The following G6PC3 variants were observed in gnomAD, a reference collection of about 807,000 sequenced individuals.
G6PC3 encodes the protein glucose-6-phosphatase 3.
A neutral mutation model predicts 38.6 loss-of-function variants in G6PC3; 30 were observed. That is an observed-to-expected ratio of 0.78 (90% CI 0.58 to 1.05). The LOEUF (loss-of-function observed/expected upper bound fraction) is 1.05. Among genes scored for constraint, G6PC3 ranks in the 50% least tolerant of loss-of-function variants. The probability of loss-of-function intolerance (pLI) is 0.00; values close to 1 mark genes in which losing one functional copy is unlikely to be tolerated. For missense variants in G6PC3, 377 were observed against 443.1 expected (o/e 0.85, Z 1.34); for synonymous variants, 192 against 178.1 (o/e 1.08, Z -0.62).
intron 5 of G6PC3, 92 bp from the exon 6 acceptor site, chr17:44,075,586 CAG>C: frequency 1.2e-6 from 2 of 1,601,434 alleles, no homozygotes; most frequent in East Asian, 4.5e-5. Flanking sequence ...AGGCACAAAA[CAG>C]AACATGGGAG....
chr17:44,075,708 G>C lies in G6PC3; in HGVS notation c.706G>C (p.Glu236Gln). ...WSISLAFKWC[E>Q]RPEWIHVDSR... ...CATCAGCCTAGCCTTCAAGTGGTGT[G>C]AGCGGCCTGAGTGGATACACGTGGA... is the stretch of plus-strand genomic sequence containing the variant. The change falls in exon 6 of 6, where the codon GAG (glutamate) becomes CAG (glutamine). Residue 236 changes from glutamate (E) to glutamine (Q), a missense_variant. Physicochemically the swap from Glu to Gln is conservative, Grantham distance 29 (BLOSUM62 2). Transcript: ENST00000269097. 1 of 1,612,360 alleles carries C rather than the reference G, an allele frequency of 6.2e-7. No homozygotes were observed. Among genetic ancestry groups the C allele is most frequent in the Non-Finnish European group, 8.5e-7 (1 of 1,180,018 alleles).
chr17:44,071,360 C>A, intron 1 of G6PC3, 177 bp downstream of exon 1: 1 of 1,035,150 alleles, frequency 9.7e-7, no homozygotes, highest in Non-Finnish European at 1.4e-6. Context: ...CCTCAGAGTC[C>A]AACCATCCTA....
At chr17:44,071,672 G>A (rs1597905930) in intron 1 of G6PC3, 3 of 1,283,260 alleles carry the variant, frequency 2.3e-6, no homozygotes, top group South Asian at 2.5e-5. Context: ...TAAGGACAGA[G>A]ACACCTTGCA....
intron 1 of G6PC3, 76 bp from the exon 2 acceptor site, chr17:44,074,084 C>G (rs2144145229): frequency 1.0e-6 from 1 of 986,654 alleles, no homozygotes; most frequent in East Asian, 2.4e-5. Flanking sequence ...CCAGAGTACT[C>G]TGTGTCCTGC....
At position 44,070,830 on chromosome 17, in the gene G6PC3, T is replaced by C; in HGVS notation, c.-136T>C. The stretch of plus-strand genomic sequence containing the variant: ...GGGGACTGCTGGGGGCGGGGCTTGG[T>C]GGTGACCGCTGGCGGGGCGGGGCCT... On this transcript the variant is annotated 5_prime_UTR_variant, in exon 1 of 6. Coordinates refer to ENST00000269097, the MANE Select transcript of G6PC3 (RefSeq NM_138387.4). 1 of 930,718 alleles carries C rather than the reference T, an allele frequency of 1.1e-6. No individual in the cohort carries two copies. Among genetic ancestry groups the C allele is most frequent in the South Asian group, 1.4e-5 (1 of 70,120 alleles). The allele number at this position is 930,718 out of a possible 1,614,324, so 57.7% of individuals were successfully genotyped here.
rs753279179 is a variant in G6PC3 at position 44,076,165 on chromosome 17, C to T, written c.*122C>T. On this transcript the variant is annotated 3_prime_UTR_variant, in exon 6 of 6. Transcript: ENST00000269097. ...GTAGGCCCTCCCCTCCCTAAATCTG[C>T]TTCCGCACCACCTGGTCTTAGCCCC... The T allele has an allele frequency of 1.1e-5, 14 of 1,290,204 alleles. No homozygotes were observed. The highest frequency in any genetic ancestry group is 1.6e-5 in the Non-Finnish European group (14 of 900,008). 79.9% of individuals were successfully genotyped at this position (1,290,204 alleles called of 1,614,324 possible).
intron 3 of G6PC3, 93 bp from the exon 4 acceptor site, chr17:44,074,876 G>A (rs2050052245): frequency 6.8e-7 from 1 of 1,463,442 alleles, no homozygotes; most frequent in African/African-American, 1.4e-5. Context: ...GGGGACCCTA[G>A]GTTGTGTGGT....
At chr17:44,073,961 G>C (rs984091721) in intron 1 of G6PC3, 199 bp from the exon 2 acceptor site, 9 of 639,496 alleles carry the variant, frequency 1.4e-5, no homozygotes, top group Non-Finnish European at 2.2e-5. Context: ...AAAAGAAATA[G>C]TGTGCTTTCT....
intron 1 of G6PC3, 77 bp from the exon 2 acceptor site, chr17:44,074,081 ACT>A (rs1260679905): frequency 2.1e-6 from 2 of 940,930 alleles, no homozygotes; most frequent in African/African-American, 1.6e-5. Context: ...CCTCCAGAGT[ACT>A]CTGTGTCCTG....
rs761215881 is a variant in G6PC3, at chr17:44,071,118, C to G, written c.153C>G (p.Arg51=). The part of the protein sequence containing the change: ...FYFPAAYYAS[R]RVGIAVLWIS... Reference sequence around the variant, plus strand: ...TCCCCGCGGCCTACTACGCCTCCCGCCGTGTGGGCATCGCGGTGCTCTGGA... The same window carrying G: ...TCCCCGCGGCCTACTACGCCTCCCGGCGTGTGGGCATCGCGGTGCTCTGGA... The change falls in exon 1 of 6, where the codon CGC becomes CGG. Residue 51 remains arginine, a synonymous_variant. Coordinates refer to ENST00000269097, the MANE Select transcript of G6PC3 (RefSeq NM_138387.4). The G allele has an allele frequency of 6.2e-7, 1 of 1,614,082 alleles. No individual in the cohort carries two copies. The highest frequency in any genetic ancestry group is 8.5e-7 in the Non-Finnish European group (1 of 1,180,002).
chr17:44,074,039 T>C lies in G6PC3; in HGVS notation c.219-121T>C. On this transcript the variant is annotated intron_variant, in intron 1 of 5. Coordinates refer to ENST00000269097, the MANE Select transcript of G6PC3 (RefSeq NM_138387.4). ...GATACCTTGAGAGCAGTGGACAGAA[T>C]CGTAGTCCCTTTTTGACTTCACCCC... 9 of 782,172 alleles carry C rather than the reference T, an allele frequency of 1.2e-5. No individual in the cohort carries two copies. In the South Asian group the frequency reaches 1.2e-4, roughly 11 times the overall value. 48.5% of individuals were successfully genotyped at this position (782,172 alleles called of 1,614,324 possible). A position where few individuals can be genotyped will look rare whatever the true frequency, so the allele number is the denominator to read the frequency against.
intron 1 of G6PC3, chr17:44,071,731 G>GCC (rs2049983018): frequency 1.1e-6 from 1 of 935,214 alleles, no homozygotes; most frequent in Non-Finnish European, 1.5e-6. Context: ...GGCAGCACTT[G>GCC]AAAACTGGCT....
intron 2 of G6PC3, 24 bp from the exon 3 acceptor site, chr17:44,074,652 CACCA>C: frequency 1.2e-6 from 2 of 1,609,504 alleles, no homozygotes; most frequent in Non-Finnish European, 1.7e-6. Context: ...TCCATCTTCT[CACCA>C]CGAGCTTCTG....
rs747931007 is a variant in G6PC3 at position 44,075,821 on chromosome 17, G to A, written c.819G>A (p.Val273=). 2.5e-6 allele frequency: 4 copies of A among 1,611,700 alleles called. No homozygotes were observed. Among genetic ancestry groups the A allele is most frequent in the South Asian group, 2.2e-5 (2 of 91,090 alleles). The change falls in exon 6 of 6, where the codon GTG becomes GTA. Residue 273 remains valine, a synonymous_variant. Transcript: ENST00000269097. Reference sequence around the variant, plus strand: ...TGCACTCTCCCTGCTATGCCCAGGTGCGTCGGGCACAGCTGGGAAATGGCC... The same window carrying A: ...TGCACTCTCCCTGCTATGCCCAGGTACGTCGGGCACAGCTGGGAAATGGCC... ...IALHSPCYAQ[V]RRAQLGNGQK...
At chr17:44,071,482 AG>A (rs1334778379) in intron 1 of G6PC3, 1 of 622,752 alleles carries the variant, frequency 1.6e-6, no homozygotes, top group African/African-American at 1.9e-5. Flanking sequence ...AGAAACTCCA[AG>A]GGGTTGGGAA....
rs563928175 is a variant in G6PC3 at position 44,071,665 on chromosome 17, G to T, written c.218+482G>T. 7 of 1,284,806 alleles carry T rather than the reference G, an allele frequency of 5.4e-6. No individual in the cohort carries two copies. The East Asian group carries it at 3.9e-4, about 71-fold the overall frequency. 79.6% of individuals were successfully genotyped at this position (1,284,806 alleles called of 1,614,324 possible). ...TGCTGGGCATCACGGTAGCTGCTAA[G>T]GACAGAGACACCTTGCAGATTAAGG... On this transcript the variant is annotated intron_variant, in intron 1 of 5. Coordinates refer to ENST00000269097, the MANE Select transcript of G6PC3 (RefSeq NM_138387.4).
intron 4 of G6PC3, 98 bp from the exon 5 acceptor site, chr17:44,075,212 A>G: frequency 5.8e-6 from 9 of 1,549,336 alleles, no homozygotes; most frequent in Non-Finnish European, 8.0e-6. Context: ...GTTATGTCTC[A>G]GTTTATTCTC....
At position 44,076,227 on chromosome 17, in the gene G6PC3, TC is replaced by T. The variant is rs1378558168; in HGVS notation, c.*187del. 1.2e-6 allele frequency: 1 copy of T among 840,024 alleles called. No individual in the cohort carries two copies. The highest frequency in any genetic ancestry group is 1.8e-5 in the Admixed American group (1 of 54,644). The allele number at this position is 840,024 out of a possible 1,614,324, so 52.0% of individuals were successfully genotyped here. A position where few individuals can be genotyped will look rare whatever the true frequency, so the allele number is the denominator to read the frequency against. On this transcript the variant is annotated 3_prime_UTR_variant, in exon 6 of 6. Coordinates refer to ENST00000269097, the MANE Select transcript of G6PC3 (RefSeq NM_138387.4). Reference sequence around the variant, plus strand: ...TTCTCTCTCCCAGATAAGTTGGTCCTCCCTCTGCCTTTCCTCTCAAGCCCCC... The same window carrying T: ...TTCTCTCTCCCAGATAAGTTGGTCCTCCTCTGCCTTTCCTCTCAAGCCCCC...
intron 1 of G6PC3, chr17:44,071,429 C>A: frequency 1.5e-6 from 1 of 675,364 alleles, no homozygotes; most frequent in South Asian, 1.9e-5. Context: ...AGGGGCGTGT[C>A]TAAAATGTAA....
Sources: gnomAD v4.1 joint callset for allele counts on GRCh38, gnomAD v4.1.1 for gene constraint, MANE v1.5 for transcripts, NCBI Gene and HGNC (gene_info 2026-07-23, HGNC 2026-07-21) for gene names.